SPIDR: variants seen among roughly 807,000 people sequenced by gnomAD.
The protein encoded by SPIDR is scaffold protein involved in DNA repair.
A neutral mutation model predicts 104.6 loss-of-function variants in SPIDR; 93 were observed. That is an observed-to-expected ratio of 0.89 (90% CI 0.75 to 1.06). The LOEUF (loss-of-function observed/expected upper bound fraction) is 1.06, where lower values mean the gene tolerates loss of function less well. SPIDR is among the 50% of genes least tolerant of loss of function. The pLI, the probability that SPIDR is intolerant of heterozygous loss-of-function variation, is 0.00. For synonymous variants in SPIDR, 431 were observed against 416.9 expected (o/e 1.03, Z -0.41); for missense variants, 1,154 against 1,111.2 (o/e 1.04, Z -0.55).
At chr8:47,476,483 G>A (rs1177169634) in intron 8 of SPIDR, among the ~76,000 whole-genome samples, 1 of 152,166 alleles carries the variant, frequency 6.6e-6, no homozygotes, top group Non-Finnish European at 1.5e-5. Context: ...TTTGATTGCA[G>A]TTAAGTTGCA....
intron 14 of SPIDR, among the ~76,000 whole-genome samples, chr8:47,707,212 C>T (rs2081223501): frequency 6.8e-6 from 1 of 147,322 alleles, no homozygotes; most frequent in Non-Finnish European, 1.5e-5. Context: ...AAGATCGCTC[C>T]ATTGCACTCC....
intron 8 of SPIDR, among the ~76,000 whole-genome samples, chr8:47,484,232 A>G (rs1347236269): frequency 2.6e-5 from 4 of 152,268 alleles, no homozygotes; most frequent in African/African-American, 9.6e-5. Context: ...CAGGAACCCA[A>G]TAGAAGCAAT....
At chr8:47,460,790 G>A (rs1554712972) in intron 8 of SPIDR, among the ~76,000 whole-genome samples, 2 of 152,292 alleles carry the variant, frequency 1.3e-5, no homozygotes, top group South Asian at 2.1e-4. Flanking sequence ...CTGCTTTCAT[G>A]TGTTTCCAGG....
chr8:47,579,391 C>T (rs2059476805), intron 8 of SPIDR, among the ~76,000 whole-genome samples: 1 of 152,222 alleles, frequency 6.6e-6, no homozygotes, highest in South Asian at 2.1e-4. Flanking sequence ...ACAGAATTTT[C>T]TGCATTGATG....
intron 5 of SPIDR, among the ~76,000 whole-genome samples, chr8:47,377,572 A>G (rs2058802340): frequency 6.6e-6 from 1 of 152,208 alleles, no homozygotes. Flanking sequence ...CTAACAGTTG[A>G]GGATTTTTAT....
chr8:47,556,820 T>G (rs1328087720), intron 8 of SPIDR, among the ~76,000 whole-genome samples: 1 of 152,132 alleles, frequency 6.6e-6, no homozygotes, highest in Non-Finnish European at 1.5e-5. Context: ...TCTAGGCTGG[T>G]CTTGAACTCC....
chr8:47,634,477 A>G (rs909341717), intron 10 of SPIDR, among the ~76,000 whole-genome samples: 1 of 152,202 alleles, frequency 6.6e-6, no homozygotes, highest in Non-Finnish European at 1.5e-5. Context: ...AAAAAAATGA[A>G]AAAAGAACTT....
At chr8:47,727,354 C>T in intron 17 of SPIDR, 61 bp downstream of exon 17, 1 of 1,503,120 alleles carries the variant, frequency 6.7e-7, no homozygotes, top group Non-Finnish European at 9.2e-7. Context: ...AGCAACCCAG[C>T]CCCAGAACCT....
chr8:47,596,141 T>C, intron 9 of SPIDR, 135 bp downstream of exon 9: 1 of 696,418 alleles, frequency 1.4e-6, no homozygotes, highest in Non-Finnish European at 2.4e-6. Context: ...GTATGCTGCA[T>C]GAACTTACTG....
intron 10 of SPIDR, among the ~76,000 whole-genome samples, chr8:47,624,245 AGG>A (rs2065634702): frequency 6.6e-6 from 1 of 152,272 alleles, no homozygotes; most frequent in African/African-American, 2.4e-5. Flanking sequence ...CAGTGTGTAG[AGG>A]GAAATTGATA....
intron 10 of SPIDR, among the ~76,000 whole-genome samples, chr8:47,627,230 G>A (rs1271635323): frequency 3.3e-5 from 5 of 152,086 alleles, no homozygotes; most frequent in Admixed American, 2.6e-4. Context: ...ACACTCTGGG[G>A]ACTGTTGTGG....
At chr8:47,650,734 C>T (rs984823352) in intron 10 of SPIDR, among the ~76,000 whole-genome samples, 39 of 152,102 alleles carry the variant, frequency 2.6e-4, no homozygotes, top group African/African-American at 9.2e-4. Flanking sequence ...ACCAAAACAG[C>T]GTGGTGCTGA....
At chr8:47,512,169 T>A (rs1002553048) in intron 8 of SPIDR, 9 of 380,588 alleles carry the variant, frequency 2.4e-5, no homozygotes, top group Non-Finnish European at 4.4e-5. Flanking sequence ...CCTCCCCACA[T>A]CCACTACTTT....
chr8:47,522,232 G>A (rs1191063797), intron 8 of SPIDR, among the ~76,000 whole-genome samples: 2 of 151,696 alleles, frequency 1.3e-5, no homozygotes, highest in Non-Finnish European at 2.9e-5. Flanking sequence ...AAAAAGAACT[G>A]TGATACTGAA....
chr8:47,411,686 T>C (rs1554671706), intron 7 of SPIDR, among the ~76,000 whole-genome samples: 1 of 152,204 alleles, frequency 6.6e-6, no homozygotes, highest in African/African-American at 2.4e-5. Flanking sequence ...ATTTTGGCTT[T>C]TGTTGCCATT....
chr8:47,543,959 G>C (rs1020747846), intron 8 of SPIDR, among the ~76,000 whole-genome samples: 1 of 152,066 alleles, frequency 6.6e-6, no homozygotes, highest in African/African-American at 2.4e-5. Context: ...GTTGGTTTCC[G>C]CTTACTCCTT....
chr8:47,511,211 A>T (rs2082268184), intron 8 of SPIDR: 2 of 1,592,178 alleles, frequency 1.3e-6, no homozygotes, highest in East Asian at 2.2e-5. Flanking sequence ...CTGTGGTTAA[A>T]TTTCTGCACC....
At chr8:47,556,768 A>C (rs1309987722) in intron 8 of SPIDR, among the ~76,000 whole-genome samples, 1 of 151,900 alleles carries the variant, frequency 6.6e-6, no homozygotes, top group Non-Finnish European at 1.5e-5. Context: ...ATTCCCAGAT[A>C]ATTTTTTAAA....
intron 5 of SPIDR, among the ~76,000 whole-genome samples, chr8:47,361,102 C>T (rs1446225646): frequency 6.6e-6 from 1 of 152,096 alleles, no homozygotes; most frequent in African/African-American, 2.4e-5. Context: ...TAGCAAAAGT[C>T]CCAGTGCTGT....
Sources: allele counts gnomAD v4.1 joint callset (sites outside exome capture counted in the v4.1 genomes callset), GRCh38; gene constraint gnomAD v4.1.1; transcripts MANE v1.5; gene names NCBI Gene and HGNC (gene_info 2026-07-23, HGNC 2026-07-21).